The following ARID5B variants were observed in gnomAD, a reference collection of about 807,000 sequenced individuals.
ARID5B encodes the protein AT-rich interactive domain-containing protein 5B.
ARID5B carries 13 observed loss-of-function variants against 97.2 expected under a neutral mutation model. The ratio of observed to expected loss-of-function variants is 0.13; its 90% CI spans 0.09 to 0.21. ARID5B has a LOEUF of 0.21. ARID5B is among the 10% of genes least tolerant of loss of function. The probability of loss-of-function intolerance (pLI) is 1.00; values close to 1 mark genes in which losing one functional copy is unlikely to be tolerated. For synonymous variants in ARID5B, 556 were observed against 570.3 expected (o/e 0.97, Z 0.36); for missense variants, 1,210 against 1,465.3 (o/e 0.83, Z 2.84).
At chr10:61,919,824 A>T (rs965218326) in intron 2 of ARID5B, among the ~76,000 whole-genome samples, 2 of 152,144 alleles carry the variant, frequency 1.3e-5, no homozygotes, top group African/African-American at 4.8e-5. Context: ...GACAAGAAAG[A>T]GGGCTCTAGT....
chr10:62,080,791 A>T (rs1840201860), intron 8 of ARID5B, among the ~76,000 whole-genome samples: 1 of 152,134 alleles, frequency 6.6e-6, no homozygotes, highest in South Asian at 2.1e-4. Flanking sequence ...TACTACAAAA[A>T]AAAAGCCTAA....
rs200340831 is a variant in ARID5B at position 62,091,254 on chromosome 10, C to T, written c.1791C>T (p.Ser597=). Residue 597 remains serine, a synonymous_variant, in exon 10 of 10, where the codon AGC becomes AGT. Coordinates refer to ENST00000279873, the MANE Select transcript of ARID5B (RefSeq NM_032199.3). The stretch of plus-strand genomic sequence containing the variant: ...AACCCCAAGAAGCATCCTTCCCCAG[C>T]TTCCCCACCACACAGCCACCGCTGG... The part of the protein sequence containing the change: ...ESEPQEASFP[S]FPTTQPPLAN... 2.5e-6 allele frequency: 4 copies of T among 1,614,154 alleles called. No homozygotes were observed. In the East Asian group the frequency reaches 6.7e-5, roughly 27 times the overall value.
chr10:61,944,155 C>T (rs143405689), intron 3 of ARID5B, among the ~76,000 whole-genome samples: 1 of 152,012 alleles, frequency 6.6e-6, no homozygotes, highest in Non-Finnish European at 1.5e-5. Flanking sequence ...ATTTTACCTT[C>T]TTTCAGACTG....
chr10:62,045,670 C>T (rs990051445), intron 4 of ARID5B, among the ~76,000 whole-genome samples: 6 of 152,084 alleles, frequency 3.9e-5, no homozygotes, highest in Admixed American at 3.3e-4. Context: ...AGGCTGGTCT[C>T]GAACTCCTGA....
intron 3 of ARID5B, among the ~76,000 whole-genome samples, chr10:61,979,078 C>T (rs895971563): frequency 6.6e-6 from 1 of 152,160 alleles, no homozygotes; most frequent in African/African-American, 2.4e-5. Context: ...TGCAGCCAGC[C>T]ACGACACAGA....
In ARID5B at chr10:62,000,281, C is replaced by T. The variant is rs761173708; in HGVS notation, c.693C>T (p.His231=). 29 of 1,613,242 alleles carry T rather than the reference C, an allele frequency of 1.8e-5. No individual in the cohort carries two copies. In the Middle Eastern group the frequency reaches 4.9e-4, roughly 27 times the overall value. Residue 231 remains histidine, a synonymous_variant, in exon 4 of 10, where the codon CAC becomes CAT. Coordinates refer to ENST00000279873, the MANE Select transcript of ARID5B (RefSeq NM_032199.3). This position sits in a 1 kb window ranked among gnomAD's most constrained non-coding sequence, Gnocchi z 4.4. ...QILYCRDTFD[H]PTLIENESIC... is the part of the protein sequence containing the mutation. ...TGTACTGTCGGGACACCTTTGACCA[C>T]CCGACTCTCATAGAAAACGAGAGTA...
chr10:62,053,827 T>C (rs1440588337), intron 5 of ARID5B, among the ~76,000 whole-genome samples: 1 of 152,228 alleles, frequency 6.6e-6, no homozygotes, highest in Non-Finnish European at 1.5e-5. Flanking sequence ...AATGTGATAC[T>C]TTCATTATTT....
intron 4 of ARID5B, among the ~76,000 whole-genome samples, chr10:62,009,559 C>T (rs1176164115): frequency 6.6e-6 from 1 of 152,130 alleles, no homozygotes; most frequent in East Asian, 1.9e-4. Context: ...ACAGACCTGG[C>T]ATGTTGCTGA....
chr10:61,986,109 C>T (rs948515027), intron 3 of ARID5B, among the ~76,000 whole-genome samples: 3 of 152,008 alleles, frequency 2.0e-5, no homozygotes, highest in Non-Finnish European at 4.4e-5. Context: ...GGGCTCTTCT[C>T]AGAGGTTCAG....
chr10:61,960,509 T>G (rs1490814814), intron 3 of ARID5B, among the ~76,000 whole-genome samples: 2 of 152,180 alleles, frequency 1.3e-5, no homozygotes, highest in Non-Finnish European at 2.9e-5. Flanking sequence ...TTATAAAATA[T>G]TCTAAATATT....
chr10:61,972,225 C>CAT (rs1838637857), intron 3 of ARID5B, among the ~76,000 whole-genome samples: 1 of 112,708 alleles, frequency 8.9e-6, no homozygotes, highest in Non-Finnish European at 1.7e-5. Flanking sequence ...TTATATCATG[C>CAT]TTTTTTTTTT....
intron 3 of ARID5B, among the ~76,000 whole-genome samples, chr10:61,980,840 ACAGTGACTACTGT>A (rs2132845312): frequency 6.6e-6 from 1 of 152,268 alleles, no homozygotes; most frequent in East Asian, 1.9e-4. Flanking sequence ...GCTTCCCAGG[ACAGTGACTACTGT>A]CCTGTCTCCT....
At chr10:62,053,438 A>G (rs1839816940) in intron 5 of ARID5B, among the ~76,000 whole-genome samples, 1 of 152,214 alleles carries the variant, frequency 6.6e-6, no homozygotes. Context: ...TTGCAAGACC[A>G]TGTTTTCCAA....
At chr10:61,906,406 G>A (rs1843708946) in intron 2 of ARID5B, among the ~76,000 whole-genome samples, 1 of 152,174 alleles carries the variant, frequency 6.6e-6, no homozygotes, top group African/African-American at 2.4e-5. Context: ...CGGGTAATTG[G>A]TTCTGTTACT....
intron 3 of ARID5B, among the ~76,000 whole-genome samples, chr10:61,990,400 G>A (rs1838907776): frequency 6.6e-6 from 1 of 152,216 alleles, no homozygotes; most frequent in African/African-American, 2.4e-5. Flanking sequence ...CTGCCAGGCA[G>A]TGGCTACAGT....
chr10:62,062,332 C>T (rs1188736394), intron 7 of ARID5B, among the ~76,000 whole-genome samples: 1 of 152,164 alleles, frequency 6.6e-6, no homozygotes. Flanking sequence ...CTCCTAAAAG[C>T]TACTCAAGAA....
Position 62,000,155 on chromosome 10 carries a change from G to A in ARID5B, c.567G>A (p.Ser189=), listed in dbSNP as rs779369951. The change falls in exon 4 of 10, where the codon TCG becomes TCA. Residue 189 remains serine (S), a synonymous_variant. Coordinates refer to ENST00000279873, the MANE Select transcript of ARID5B (RefSeq NM_032199.3). The surrounding 1 kb of genome is among the most constrained non-coding windows in gnomAD (Gnocchi z 4.4). ...ACCCCCAGTACTGCCGGTACCGCTC[G>A]ATGCTGAAACGCATCCAGGATAAGC... is the stretch of plus-strand genomic sequence containing the variant. ...LSYPQYCRYR[S]MLKRIQDKPS... is the part of the protein sequence containing the mutation. The A allele has an allele frequency of 6.2e-7, 1 of 1,614,002 alleles. No individual in the cohort carries two copies. Among genetic ancestry groups the A allele is most frequent in the Non-Finnish European group, 8.5e-7 (1 of 1,179,924 alleles).
At chr10:62,060,681 A>G (rs556961670) in intron 7 of ARID5B, among the ~76,000 whole-genome samples, 1 of 152,330 alleles carries the variant, frequency 6.6e-6, no homozygotes, top group Non-Finnish European at 1.5e-5. Flanking sequence ...GGTTAGTCTC[A>G]TAAACGTAGA....
In ARID5B at chr10:62,041,918, G is replaced by A. The variant is rs535838539; in HGVS notation, c.734-8970G>A. 3.3e-5 allele frequency among the ~76,000 whole-genome samples: 5 copies of A among 152,240 alleles called. No individual in the cohort carries two copies. The East Asian group carries it at 7.7e-4, about 23-fold the overall frequency. ...CACTTCTGTGCTGTCATGTTCAATA[G>A]TAACACCAAAGAACATATCAATCAT... is the stretch of plus-strand genomic sequence containing the variant. On this transcript the variant is annotated intron_variant, in intron 4 of 9. Coordinates refer to ENST00000279873, the MANE Select transcript of ARID5B (RefSeq NM_032199.3).
Sources: allele counts gnomAD v4.1 joint callset (sites outside exome capture counted in the v4.1 genomes callset), GRCh38; gene constraint gnomAD v4.1.1; non-coding constraint Gnocchi (gnomAD v3.1); transcripts MANE v1.5; gene names NCBI Gene and HGNC (gene_info 2026-07-23, HGNC 2026-07-21).